KLRG1: variants seen among roughly 807,000 people sequenced by gnomAD.
KLRG1 encodes the protein killer cell lectin like receptor G1, also known as killer cell lectin-like receptor subfamily G member 1.
Under a neutral mutation model 21.8 loss-of-function variants are expected in KLRG1, and 16 were observed. The observed-to-expected ratio is 0.73, with a 90% CI of 0.50 to 1.11. The LOEUF is 1.11. Ranked by LOEUF, KLRG1 falls within the 50% of genes most tolerant of loss-of-function variation. KLRG1 has a pLI of 0.00. For missense variants in KLRG1, 173 were observed against 218.3 expected, an observed-to-expected ratio of 0.79 and a Z score of 1.31; for synonymous variants, 69 against 75.9, an observed-to-expected ratio of 0.91 and a Z score of 0.47.
chr12:9,008,885 T>A (rs1947555798), intron 3 of KLRG1, 90 bp from the exon 4 acceptor site: 1 of 815,130 alleles, frequency 1.2e-6, no homozygotes, highest in Non-Finnish European at 2.0e-6. Context: ...AATTAATTAC[T>A]TAACTTAGTA....
chr12:9,095,111 G>T, the KLRG1 span: 1 of 1,161,330 alleles, frequency 8.6e-7, no homozygotes, highest in Non-Finnish European at 1.2e-6. Context: ...CATCTAATCA[G>T]TAAATATATA....
the KLRG1 span, among the ~76,000 whole-genome samples, chr12:9,108,423 G>A: frequency 6.6e-6 from 1 of 152,312 alleles, no homozygotes; most frequent in East Asian, 1.9e-4. Flanking sequence ...ACCACGCCGG[G>A]CCTGTTTACT....
chr12:9,084,325 T>C, the KLRG1 span, among the ~76,000 whole-genome samples: 1 of 152,166 alleles, frequency 6.6e-6, no homozygotes, highest in African/African-American at 2.4e-5. Context: ...TTTAAAGCAA[T>C]TTTATCTCTA....
At chr12:9,113,399 C>T in the KLRG1 span, 1 of 1,613,698 alleles carries the variant, frequency 6.2e-7, no homozygotes, top group African/African-American at 1.3e-5. Context: ...TCTCCGCCTC[C>T]AGGTCAGTGA....
the KLRG1 span, chr12:9,110,272 G>A: frequency 2.1e-6 from 3 of 1,403,306 alleles, no homozygotes; most frequent in Non-Finnish European, 9.8e-7. Flanking sequence ...TTCCCTATAT[G>A]TATTGCTTTC....
the KLRG1 span, among the ~76,000 whole-genome samples, chr12:9,040,696 A>G: frequency 1.3e-5 from 2 of 152,198 alleles, no homozygotes; most frequent in African/African-American, 2.4e-5. Context: ...GTGCCTCACT[A>G]TTGTCTCTGG....
the KLRG1 span, chr12:9,106,697 A>C: frequency 3.3e-6 from 2 of 604,480 alleles, no homozygotes; most frequent in Non-Finnish European, 5.8e-6. Flanking sequence ...TTGTGGGGGG[A>C]CAACATCATG....
the KLRG1 span, chr12:9,077,582 C>T: frequency 7.3e-6 from 11 of 1,510,270 alleles, no homozygotes; most frequent in South Asian, 1.3e-5. Flanking sequence ...TTTTTGGTGC[C>T]ATCCAGGTTT....
At chr12:9,099,063 C>T in the KLRG1 span, among the ~76,000 whole-genome samples, 1 of 152,120 alleles carries the variant, frequency 6.6e-6, no homozygotes, top group Non-Finnish European at 1.5e-5. Context: ...GGTCTAGGTG[C>T]TCTTGCATTT....
At chr12:9,165,141 G>A in the KLRG1 span, 666 of 1,613,078 alleles carry the variant, frequency 4.1e-4, 3 homozygotes, top group Non-Finnish European at 4.2e-4. Context: ...TTCCTTACCC[G>A]GATGCATTTG....
the KLRG1 span, among the ~76,000 whole-genome samples, chr12:9,208,045 C>T: frequency 6.6e-6 from 1 of 151,996 alleles, no homozygotes; most frequent in Admixed American, 6.5e-5. Flanking sequence ...AGTGACTAAT[C>T]GTATTTATGA....
At chr12:8,981,840 C>T (rs953851098) in intron 1 of KLRG1, among the ~76,000 whole-genome samples, 4 of 152,006 alleles carry the variant, frequency 2.6e-5, no homozygotes, top group African/African-American at 9.7e-5. Flanking sequence ...TTTAAAATAT[C>T]CAACTATGAT....
the KLRG1 span, chr12:9,113,378 G>A: frequency 2.0e-4 from 326 of 1,613,392 alleles, no homozygotes; most frequent in Non-Finnish European, 2.6e-4. Context: ...CGACACAGTG[G>A]AGTACGTCAT....
the KLRG1 span, among the ~76,000 whole-genome samples, chr12:9,210,155 A>G: frequency 7.9e-5 from 12 of 152,270 alleles, no homozygotes; most frequent in Non-Finnish European, 1.8e-4. Context: ...AGAGTATTAC[A>G]TGGATTTGAA....
At chr12:9,090,576 C>A in the KLRG1 span, 1 of 1,344,048 alleles carries the variant, frequency 7.4e-7, no homozygotes, top group Non-Finnish European at 1.0e-6. Context: ...GGTTAGATTT[C>A]AGGTTGCCTC....
At chr12:9,101,815 C>A in the KLRG1 span, 1 of 701,318 alleles carries the variant, frequency 1.4e-6, no homozygotes, top group South Asian at 2.2e-5. Flanking sequence ...GGGAGAAGGA[C>A]CCCTGATTTT....
At chr12:9,056,562 GGGGTGT>G in the KLRG1 span, among the ~76,000 whole-genome samples, 8 of 44,170 alleles carry the variant, frequency 1.8e-4, no homozygotes, top group Admixed American at 3.9e-4. Context: ...TTTTACTTGG[GGGGTGT>G]GTGTGTGTGT....
the KLRG1 span, chr12:9,110,212 T>C: frequency 8.5e-7 from 1 of 1,172,898 alleles, no homozygotes; most frequent in Non-Finnish European, 1.2e-6. Flanking sequence ...GGCTTCTCCT[T>C]TAATGACAAG....
At chr12:9,040,484 T>C in the KLRG1 span, among the ~76,000 whole-genome samples, 8 of 152,246 alleles carry the variant, frequency 5.3e-5, no homozygotes, top group East Asian at 1.3e-3. Flanking sequence ...ATATTTATTG[T>C]CCTGTCATGA....
Sources: allele counts gnomAD v4.1 joint callset (sites outside exome capture counted in the v4.1 genomes callset), GRCh38; gene constraint gnomAD v4.1.1; transcripts MANE v1.5; gene names NCBI Gene and HGNC (gene_info 2026-07-23, HGNC 2026-07-21).